Variants in CHL1 observed in about 807,000 individuals in gnomAD.
CHL1 encodes the protein neural cell adhesion molecule L1-like protein.
Under a neutral mutation model 141.9 loss-of-function variants are expected in CHL1, and 96 were observed. The observed-to-expected ratio is 0.68, with a 90% CI of 0.57 to 0.80. The LOEUF (loss-of-function observed/expected upper bound fraction) is 0.80. Ranked by LOEUF, CHL1 falls within the 30% of genes least tolerant of loss-of-function variation. The probability of loss-of-function intolerance (pLI) is 0.00; values close to 1 mark genes in which losing one functional copy is unlikely to be tolerated. For synonymous variants in CHL1, 613 were observed against 502.2 expected (o/e 1.22, Z -2.95); for missense variants, 1,820 against 1,457.2 (o/e 1.25, Z -4.05).
At chr3:360,600 T>TA (rs59473555) in intron 12 of CHL1, among the ~76,000 whole-genome samples, 176 bp downstream of exon 12, 49,517 of 151,342 alleles carry the variant, frequency 0.33, 9,219 homozygotes, top group South Asian at 0.45. Context: ...CTTTTTTTTT[T>TA]TTATTATACT....
At chr3:233,005 C>CTTT (rs1420508896) in intron 1 of CHL1, among the ~76,000 whole-genome samples, 1 of 146,192 alleles carries the variant, frequency 6.8e-6, no homozygotes. Flanking sequence ...TTCTTTCCTC[C>CTTT]TTTTTTTTTT....
intron 2 of CHL1, among the ~76,000 whole-genome samples, chr3:271,492 T>C (rs964272758): frequency 3.3e-5 from 5 of 152,182 alleles, no homozygotes; most frequent in Admixed American, 2.6e-4. Flanking sequence ...GTCTAATATA[T>C]AGTAGCTCTT....
At chr3:274,495 G>T (rs1379898753) in intron 2 of CHL1, among the ~76,000 whole-genome samples, 1 of 152,156 alleles carries the variant, frequency 6.6e-6, no homozygotes, top group African/African-American at 2.4e-5. Flanking sequence ...TTAGCTAAAT[G>T]GGGAAATAAC....
intron 1 of CHL1, among the ~76,000 whole-genome samples, chr3:212,352 A>G (rs1370940247): frequency 6.6e-6 from 1 of 152,040 alleles, no homozygotes; most frequent in Non-Finnish European, 1.5e-5. Context: ...ACCATTTCCT[A>G]TACTCTATGT....
chr3:236,148 A>T (rs756964266), intron 1 of CHL1, among the ~76,000 whole-genome samples: 1 of 152,176 alleles, frequency 6.6e-6, no homozygotes, highest in African/African-American at 2.4e-5. Flanking sequence ...CCTGCTTGAT[A>T]TTCTACTGTG....
chr3:354,781 A>G lies in CHL1; in HGVS notation c.1165+10A>G, dbSNP rs1281530703. On this transcript the variant is annotated intron_variant, in intron 11 of 27. Transcript: ENST00000256509. The stretch of plus-strand genomic sequence containing the variant: ...GGCTCCCCAGTTGACAGTAAGTTTA[A>G]AAACCAATTGCAATGCAATGCTGAA... The G allele has an allele frequency of 6.2e-7, 1 of 1,613,060 alleles. No individual in the cohort carries two copies. Among genetic ancestry groups the G allele is most frequent in the African/African-American group, 1.3e-5 (1 of 74,868 alleles).
rs566255693 is a variant in CHL1 at position 267,461 on chromosome 3, T to A, written c.-95+22769T>A. On this transcript the variant is annotated intron_variant, in intron 2 of 27. Transcript: ENST00000256509. ...TTTACTTCATAATACTGCATTCACTTCCTTTGAAATGTTAGTATTAAGAAG... is the reference window on the plus strand; with the variant it reads ...TTTACTTCATAATACTGCATTCACTACCTTTGAAATGTTAGTATTAAGAAG... Among the ~76,000 whole-genome samples, 113 of 152,344 alleles carry A rather than the reference T, an allele frequency of 7.4e-4. 1 individual carries two copies. Among genetic ancestry groups the A allele is most frequent in the African/African-American group, 2.5e-3 (105 of 41,564 alleles).
chr3:205,107 T>TCC (rs1553567136), intron 1 of CHL1, among the ~76,000 whole-genome samples: 1 of 134,474 alleles, frequency 7.4e-6, no homozygotes, highest in Non-Finnish European at 1.7e-5. Context: ...TTTCTTTCTT[T>TCC]TTTTTTTTTT....
At chr3:269,492 A>G (rs1695448470) in intron 2 of CHL1, among the ~76,000 whole-genome samples, 2 of 152,130 alleles carry the variant, frequency 1.3e-5, no homozygotes, top group Non-Finnish European at 2.9e-5. Context: ...CAGGTGGGGT[A>G]CATGAATGTT....
chr3:314,704 T>C (rs374525968), intron 2 of CHL1, among the ~76,000 whole-genome samples: 76 of 151,974 alleles, frequency 5.0e-4, no homozygotes, highest in South Asian at 2.7e-3. Context: ...TCCAACAGGG[T>C]AGTGCAGGCT....
intron 2 of CHL1, among the ~76,000 whole-genome samples, chr3:297,003 G>A (rs1574990617): frequency 6.6e-6 from 1 of 152,124 alleles, no homozygotes; most frequent in Non-Finnish European, 1.5e-5. Context: ...GGAGAGGACA[G>A]ATAGGAGAGG....
intron 2 of CHL1, among the ~76,000 whole-genome samples, chr3:255,674 C>A (rs1694089797): frequency 6.6e-6 from 1 of 152,184 alleles, no homozygotes; most frequent in Non-Finnish European, 1.5e-5. Context: ...CTGTGTACTT[C>A]AAGCTTTATT....
intron 26 of CHL1, among the ~76,000 whole-genome samples, chr3:400,900 C>CCT (rs377701575): frequency 8.9e-6 from 1 of 112,460 alleles, no homozygotes; most frequent in African/African-American, 3.2e-5. Context: ...AAATGACTGC[C>CCT]TTTTTTTTTT....
At chr3:257,353 CT>C (rs35247275) in intron 2 of CHL1, among the ~76,000 whole-genome samples, 1,486 of 137,100 alleles carry the variant, frequency 0.011, 10 homozygotes, top group African/African-American at 0.033. Flanking sequence ...TTTTCTTCTT[CT>C]TTTTTTTTTT....
intron 2 of CHL1, among the ~76,000 whole-genome samples, chr3:245,723 A>AT (rs1377686831): frequency 6.6e-6 from 1 of 152,140 alleles, no homozygotes; most frequent in Admixed American, 6.6e-5. Context: ...GTGGAAAGAG[A>AT]TAGAAAATCT....
At chr3:404,044 G>C (rs182380290) in intron 27 of CHL1, among the ~76,000 whole-genome samples, 1 of 152,148 alleles carries the variant, frequency 6.6e-6, no homozygotes, top group Admixed American at 6.6e-5. Flanking sequence ...AACTCCAAAA[G>C]CATTTTCTTT....
chr3:346,106 T>G (rs1702748981), intron 9 of CHL1, among the ~76,000 whole-genome samples: 1 of 152,178 alleles, frequency 6.6e-6, no homozygotes, highest in Non-Finnish European at 1.5e-5. Flanking sequence ...AAAATCATAT[T>G]CATTCATAAT....
At chr3:317,906 A>G (rs946427734) in intron 2 of CHL1, among the ~76,000 whole-genome samples, 4 of 151,888 alleles carry the variant, frequency 2.6e-5, no homozygotes, top group African/African-American at 9.7e-5. Context: ...GACACATTGA[A>G]CATATATGTT....
intron 2 of CHL1, among the ~76,000 whole-genome samples, chr3:309,637 G>A (rs1388424147): frequency 6.6e-6 from 1 of 151,844 alleles, no homozygotes. Flanking sequence ...GGCCTCCTGA[G>A]AAGCTGGGAG....
Sources: gnomAD v4.1 joint callset for allele counts (sites outside exome capture counted in the v4.1 genomes callset) on GRCh38, gnomAD v4.1.1 for gene constraint, MANE v1.5 for transcripts, NCBI Gene and HGNC (gene_info 2026-07-23, HGNC 2026-07-21) for gene names.